EXOC3L2: variants seen among roughly 807,000 people sequenced by gnomAD.
EXOC3L2 encodes the protein exocyst complex component 3 like 2.
In EXOC3L2, 17 loss-of-function variants were observed where a neutral mutation model predicts 44.4. The ratio of observed to expected loss-of-function variants is 0.38; its 90% CI spans 0.26 to 0.57. EXOC3L2 has a LOEUF of 0.57. Among genes scored for constraint, EXOC3L2 ranks in the 20% least tolerant of loss-of-function variants. The pLI is 0.65. For synonymous variants in EXOC3L2, 256 were observed against 253.7 expected (o/e 1.01, Z -0.09); for missense variants, 541 against 588.4 (o/e 0.92, Z 0.83).
chr19:45,214,365 C>T (rs1261285607), intron 11 of EXOC3L2, among the ~76,000 whole-genome samples: 1 of 152,154 alleles, frequency 6.6e-6, no homozygotes, highest in Non-Finnish European at 1.5e-5. Context: ...CAAGGACTGG[C>T]GTTGCTCCGG....
At chr19:45,223,251 C>T (rs1286035746) in intron 8 of EXOC3L2, among the ~76,000 whole-genome samples, 2 of 152,004 alleles carry the variant, frequency 1.3e-5, no homozygotes, top group African/African-American at 2.4e-5. Flanking sequence ...AGCATGGTGG[C>T]GTGGTGGCAA....
At chr19:45,216,000 A>AGG in intron 11 of EXOC3L2, 73 bp downstream of exon 11, 1 of 1,588,512 alleles carries the variant, frequency 6.3e-7, no homozygotes, top group Non-Finnish European at 8.6e-7. Flanking sequence ...CAGGAAGCAC[A>AGG]GGGACGGATG....
At position 45,234,299 on chromosome 19, in the gene EXOC3L2, C is replaced by G. The variant is rs1422147290; in HGVS notation, c.1051G>C (p.Gly351Arg). The G allele has an allele frequency of 1.0e-5, 4 of 391,050 alleles. No homozygotes were observed. Among genetic ancestry groups the G allele is most frequent in the Non-Finnish European group, 1.8e-5 (4 of 221,220 alleles). The allele number at this position is 391,050 out of a possible 1,614,324, so 24.2% of individuals were successfully genotyped here. Residue 351 changes from glycine (G) to arginine (R), a missense_variant, in exon 3 of 12, where the codon GGC becomes CGC. Gly to Arg is a moderately radical substitution (Grantham distance 125). Transcript: ENST00000413988. This position sits in a 1 kb window ranked among gnomAD's most constrained non-coding sequence, Gnocchi z 5.0. Reference sequence around the variant, plus strand: ...CACTCGGCCAGGGCCCCGTGGTAGCCGCGCAGGTAGACGCCGAAGGCGCCC... The same window carrying G: ...CACTCGGCCAGGGCCCCGTGGTAGCGGCGCAGGTAGACGCCGAAGGCGCCC... ...GLGAFGVYLR[G>R]YHGALAEWLG...
chr19:45,218,175 C>T (rs2122958723), intron 9 of EXOC3L2, 22 bp downstream of exon 9: 1 of 1,412,028 alleles, frequency 7.1e-7, no homozygotes, highest in Non-Finnish European at 9.4e-7. Context: ...CCCCCACCTC[C>T]CCTCCCCTCA....
At chr19:45,228,352 T>G in intron 4 of EXOC3L2, 86 bp from the exon 5 acceptor site, 3 of 1,174,280 alleles carry the variant, frequency 2.6e-6, no homozygotes, top group South Asian at 1.4e-5. Flanking sequence ...CACAATCCCC[T>G]AGCCCTTAAC....
At chr19:45,223,864 C>T (rs1969925431) in intron 8 of EXOC3L2, among the ~76,000 whole-genome samples, 1 of 151,904 alleles carries the variant, frequency 6.6e-6, no homozygotes, top group Admixed American at 6.6e-5. Context: ...CGTGGTGGTG[C>T]ATGCCTGTAA....
intron 1 of EXOC3L2, among the ~76,000 whole-genome samples, chr19:45,239,607 G>A (rs1383992044): frequency 6.7e-6 from 1 of 149,250 alleles, no homozygotes; most frequent in South Asian, 2.1e-4. Flanking sequence ...TGCAACCTCC[G>A]CCTCCCAGGT....
chr19:45,221,405 G>T (rs987318192), intron 8 of EXOC3L2, among the ~76,000 whole-genome samples: 1 of 151,860 alleles, frequency 6.6e-6, no homozygotes, highest in African/African-American at 2.4e-5. Flanking sequence ...AGGCTAGGGT[G>T]CAGTGGCGCG....
chr19:45,230,975 G>A (rs913840264), intron 4 of EXOC3L2, among the ~76,000 whole-genome samples: 1 of 151,780 alleles, frequency 6.6e-6, no homozygotes, highest in East Asian at 1.9e-4. Flanking sequence ...TGTAATCCCA[G>A]CTACTCAGGA....
chr19:45,239,407 G>A (rs527972872), intron 1 of EXOC3L2, among the ~76,000 whole-genome samples: 32 of 151,308 alleles, frequency 2.1e-4, no homozygotes, highest in African/African-American at 7.3e-4. Context: ...TAGTAGAGAC[G>A]GGGTTTCACT....
intron 7 of EXOC3L2, among the ~76,000 whole-genome samples, chr19:45,226,624 T>TG (rs779703633): frequency 6.6e-6 from 1 of 151,672 alleles, no homozygotes; most frequent in African/African-American, 2.4e-5. Context: ...TTTTTAGAGA[T>TG]GGGGTTTCAC....
rs769871520 is a variant in EXOC3L2, at chr19:45,213,123, G to A, written c.2355C>T (p.Ala785=). ...PLSRLARPSL[A]CLPRPRPPSL... ...ACGGAGGCCGGGGCCGAGGCAGACA[G>A]GCCAAACTGGGCCTGGCCAGCCGGG... The change falls in exon 12 of 12, where the codon GCC becomes GCT. Residue 785 remains alanine (A), a synonymous_variant. Transcript: ENST00000413988. 6.4e-7 allele frequency: 1 copy of A among 1,567,928 alleles called. No homozygotes were observed. The highest frequency in any genetic ancestry group is 8.6e-7 in the Non-Finnish European group (1 of 1,159,284).
chr19:45,238,667 G>T lies in EXOC3L2; in HGVS notation c.379C>A (p.Arg127=). The part of the protein sequence containing the change: ...GDEEAAGEAA[R]RLAFLRLGRG... ...CCCAGTCTCAGGAAGGCCAGTCTCCGGGCGGCCTCCCCCGCTGCCTCCTCG... is the reference window on the plus strand; with the variant it reads ...CCCAGTCTCAGGAAGGCCAGTCTCCTGGCGGCCTCCCCCGCTGCCTCCTCG... The change falls in exon 2 of 12, where the codon CGG becomes AGG. Residue 127 remains arginine (R), a synonymous_variant. Coordinates refer to ENST00000413988, the MANE Select transcript of EXOC3L2 (RefSeq NM_001382422.1). This position sits in a 1 kb window ranked among gnomAD's most constrained non-coding sequence, Gnocchi z 5.5. The T allele has an allele frequency of 2.5e-6, 1 of 399,170 alleles. No homozygotes were observed. Among genetic ancestry groups the T allele is most frequent in the Non-Finnish European group, 4.4e-6 (1 of 226,012 alleles). 24.7% of individuals were successfully genotyped at this position (399,170 alleles called of 1,614,324 possible). A position where few individuals can be genotyped will look rare whatever the true frequency, so the allele number is the denominator to read the frequency against.
At chr19:45,241,587 A>G (rs962542487) in intron 1 of EXOC3L2, among the ~76,000 whole-genome samples, 4 of 151,636 alleles carry the variant, frequency 2.6e-5, no homozygotes, top group African/African-American at 9.7e-5. Context: ...GCCTCTCACC[A>G]CAGCCTTCAT....
At chr19:45,223,397 C>T (rs894000707) in intron 8 of EXOC3L2, among the ~76,000 whole-genome samples, 2 of 151,998 alleles carry the variant, frequency 1.3e-5, no homozygotes, top group Non-Finnish European at 2.9e-5. Flanking sequence ...GGCTGCAGTG[C>T]AATGGTGCGA....
chr19:45,241,232 T>C (rs1392621103), intron 1 of EXOC3L2, among the ~76,000 whole-genome samples: 1 of 152,186 alleles, frequency 6.6e-6, no homozygotes, highest in Non-Finnish European at 1.5e-5. Context: ...GGCTCACGCC[T>C]GTAATCCCAG....
chr19:45,226,676 A>C (rs1969963909), intron 7 of EXOC3L2, among the ~76,000 whole-genome samples: 1 of 149,336 alleles, frequency 6.7e-6, no homozygotes, highest in African/African-American at 2.5e-5. Flanking sequence ...CCTGAGATGA[A>C]CTGCTCGCCT....
At chr19:45,230,335 C>T (rs1970017667) in intron 4 of EXOC3L2, among the ~76,000 whole-genome samples, 1 of 152,202 alleles carries the variant, frequency 6.6e-6, no homozygotes, top group Non-Finnish European at 1.5e-5. Context: ...TCTCCTGCCT[C>T]AGCCTCCAGA....
intron 8 of EXOC3L2, among the ~76,000 whole-genome samples, chr19:45,224,291 C>G (rs1026455939): frequency 6.6e-6 from 1 of 152,048 alleles, no homozygotes. Flanking sequence ...TCTGCGTGAG[C>G]TGGGAGTTGT....
Sources: allele counts gnomAD v4.1 joint callset (sites outside exome capture counted in the v4.1 genomes callset), GRCh38; gene constraint gnomAD v4.1.1; non-coding constraint Gnocchi (gnomAD v3.1); transcripts MANE v1.5; gene names NCBI Gene and HGNC (gene_info 2026-07-23, HGNC 2026-07-21).